The following HNF4A variants were observed in gnomAD, a reference collection of about 807,000 sequenced individuals.
The protein encoded by HNF4A is hepatocyte nuclear factor 4-alpha.
In HNF4A, 15 loss-of-function variants were observed where a neutral mutation model predicts 52.4. The ratio of observed to expected loss-of-function variants is 0.29; its 90% CI spans 0.19 to 0.44. The LOEUF (loss-of-function observed/expected upper bound fraction) is 0.44. Ranked by LOEUF, HNF4A falls within the 20% of genes least tolerant of loss-of-function variation. The pLI, the probability that HNF4A is intolerant of heterozygous loss-of-function variation, is 1.00. For missense variants in HNF4A, 479 were observed against 647.2 expected (o/e 0.74, Z 2.82); for synonymous variants, 280 against 264.4 (o/e 1.06, Z -0.57).
At chr20:44,419,986 G>T in intron 7 of HNF4A, 110 bp downstream of exon 7, 3 of 1,164,082 alleles carry the variant, frequency 2.6e-6, no homozygotes, top group Non-Finnish European at 3.9e-6. Flanking sequence ...TCATGTTAAC[G>T]ACAGCCAGGA....
intron 3 of HNF4A, 38 bp downstream of exon 3, chr20:44,407,513 C>A: frequency 7.6e-7 from 1 of 1,315,110 alleles, no homozygotes; most frequent in South Asian, 1.2e-5. Context: ...ACCACTGCCC[C>A]ACCTGCACCC....
In HNF4A at chr20:44,430,762, A is replaced by C. The variant is rs1207507374; in HGVS notation, c.*1097A>C. 6.5e-6 allele frequency: 1 copy of C among 152,694 alleles called. No individual in the cohort carries two copies. Among genetic ancestry groups the C allele is most frequent in the Non-Finnish European group, 1.5e-5 (1 of 68,358 alleles). The allele number at this position is 152,694 out of a possible 1,614,324, so 9.5% of individuals were successfully genotyped here. On this transcript the variant is annotated 3_prime_UTR_variant, in exon 10 of 10. Transcript: ENST00000316099. ...AGTTCTGCAGAGGACGGGAGGCTGG[A>C]AGCTGGGAGGTCAGGTGGGGTGGAT...
intron 1 of HNF4A, among the ~76,000 whole-genome samples, chr20:44,368,232 T>C (rs1328580359): frequency 5.0e-5 from 7 of 139,358 alleles, no homozygotes; most frequent in Non-Finnish European, 1.5e-5. Flanking sequence ...GGTGGTACCA[T>C]CTTGGCTCAT....
chr20:44,381,202 G>A (rs1177089761), intron 1 of HNF4A, among the ~76,000 whole-genome samples: 1 of 151,204 alleles, frequency 6.6e-6, no homozygotes, highest in Non-Finnish European at 1.5e-5. Context: ...TCTCCATTTT[G>A]AGCCTCAAGT....
At chr20:44,368,160 A>ATATTTTTTTTTTTTTTTTTTT (rs1200638153) in intron 1 of HNF4A, among the ~76,000 whole-genome samples, 2 of 27,774 alleles carry the variant, frequency 7.2e-5, no homozygotes, top group Non-Finnish European at 6.0e-5. Context: ...ATATATATAT[A>ATATTTTTTTTTTTTTTTTTTT]TTTTTTTTTT....
At chr20:44,374,550 G>A (rs2063065691) in intron 1 of HNF4A, among the ~76,000 whole-genome samples, 1 of 152,078 alleles carries the variant, frequency 6.6e-6, no homozygotes, top group Admixed American at 6.6e-5. Context: ...TGCAACCTCT[G>A]CCTCCCAGGT....
At chr20:44,401,214 C>T, upstream of HNF4A, 1 of 1,508,286 alleles carries the variant, frequency 6.6e-7, no homozygotes, top group Admixed American at 2.0e-5. Flanking sequence ...CACCCCTTCA[C>T]AGAGGCTAGG....
In HNF4A at chr20:44,406,303, C is replaced by T. The variant is rs141340341; in HGVS notation, c.290+71C>T. On this transcript the variant is annotated intron_variant, in intron 2 of 9. Coordinates refer to ENST00000316099, the MANE Select transcript of HNF4A (RefSeq NM_000457.6). ...CTCATGGCCCCAAGGTCTGTCTTCTCCCTGAGTGGGTAGGTCCCAGAGACA... is the reference window on the plus strand; with the variant it reads ...CTCATGGCCCCAAGGTCTGTCTTCTTCCTGAGTGGGTAGGTCCCAGAGACA... 1.6e-4 allele frequency: 231 copies of T among 1,410,672 alleles called. No individual in the cohort carries two copies. In the African/African-American group the frequency reaches 2.7e-3, roughly 16 times the overall value. The allele number at this position is 1,410,672 out of a possible 1,614,324, so 87.4% of individuals were successfully genotyped here.
At chr20:44,392,017 T>G (rs545693667) in intron 1 of HNF4A, 1 of 152,166 alleles carries the variant, frequency 6.6e-6, no homozygotes. Context: ...ACCTCAATAA[T>G]ATGACCGGTG....
intron 1 of HNF4A, chr20:44,392,197 G>A (rs1042687726): frequency 6.6e-6 from 1 of 152,126 alleles, no homozygotes; most frequent in African/African-American, 2.4e-5. Context: ...CTCCCTACTT[G>A]GGGAACATGG....
chr20:44,394,724 G>A (rs546198510), intron 1 of HNF4A, among the ~76,000 whole-genome samples: 3 of 152,342 alleles, frequency 2.0e-5, no homozygotes, highest in South Asian at 2.1e-4. Flanking sequence ...CGAGGTGGCC[G>A]TGGGCTATGC....
intron 1 of HNF4A, among the ~76,000 whole-genome samples, chr20:44,367,475 CTT>C (rs2062981547): frequency 6.6e-6 from 1 of 150,880 alleles, no homozygotes; most frequent in Admixed American, 6.6e-5. Flanking sequence ...GAAATGCCGT[CTT>C]TACTAAAATT....
chr20:44,383,823 G>A (rs2063185715), intron 1 of HNF4A, among the ~76,000 whole-genome samples: 1 of 151,286 alleles, frequency 6.6e-6, no homozygotes, highest in South Asian at 2.1e-4. Context: ...CAAACTGCTG[G>A]GATTACAGGC....
At position 44,368,168 on chromosome 20, in the gene HNF4A, T is replaced by A. The variant is rs1415444675; in HGVS notation, c.49+12315T>A. Among the ~76,000 whole-genome samples, 713 of 77,764 alleles carry A rather than the reference T, an allele frequency of 9.2e-3. 13 individuals carry two copies. Among genetic ancestry groups the A allele is most frequent in the African/African-American group, 0.033 (649 of 19,374 alleles). The allele number at this position is 77,764 out of a possible 152,430, so 51.0% of individuals were successfully genotyped here. ...TATATATATATATATATATTTTTTT[T>A]TTTTTTTTTTTTTTTTGAGACAGGG... On this transcript the variant is annotated intron_variant, in intron 1 of 9. Transcript: ENST00000316673.
At chr20:44,407,892 G>A (rs2063525577) in intron 3 of HNF4A, among the ~76,000 whole-genome samples, 1 of 152,196 alleles carries the variant, frequency 6.6e-6, no homozygotes, top group South Asian at 2.1e-4. Flanking sequence ...AGCCAGAGGA[G>A]CCCGATGCCT....
At chr20:44,412,509 G>A (rs868691068) in intron 3 of HNF4A, among the ~76,000 whole-genome samples, 82 of 152,244 alleles carry the variant, frequency 5.4e-4, no homozygotes, top group African/African-American at 1.6e-3. Context: ...TGTGTAGGGG[G>A]AAGCCGGTAA....
intron 1 of HNF4A, among the ~76,000 whole-genome samples, chr20:44,403,007 G>A (rs1019279446): frequency 6.6e-6 from 1 of 152,178 alleles, no homozygotes; most frequent in Non-Finnish European, 1.5e-5. Context: ...CTGGCTGGAC[G>A]GCTTTTAGGC....
chr20:44,427,880 T>C (rs531910641), intron 8 of HNF4A, among the ~76,000 whole-genome samples: 5 of 152,194 alleles, frequency 3.3e-5, no homozygotes, highest in Admixed American at 1.3e-4. Context: ...AGCATAGAGA[T>C]AGAAAAACAC....
intron 7 of HNF4A, among the ~76,000 whole-genome samples, chr20:44,422,375 C>G (rs1388973720): frequency 1.3e-5 from 2 of 152,138 alleles, no homozygotes; most frequent in Non-Finnish European, 2.9e-5. Flanking sequence ...TAGTTCAAGG[C>G]CTGGCATGCA....
Sources: allele counts gnomAD v4.1 joint callset (sites outside exome capture counted in the v4.1 genomes callset), GRCh38; gene constraint gnomAD v4.1.1; transcripts MANE v1.5; gene names NCBI Gene and HGNC (gene_info 2026-07-23, HGNC 2026-07-21).